The following DISC1 variants were observed in gnomAD, a reference collection of about 807,000 sequenced individuals.
DISC1 encodes the protein DISC1 scaffold protein.
DISC1 carries 57 observed loss-of-function variants against 84.5 expected under a neutral mutation model. That is an observed-to-expected ratio of 0.67 (90% confidence interval 0.55 to 0.84). The LOEUF (loss-of-function observed/expected upper bound fraction) is 0.84. Ranked by LOEUF, DISC1 falls within the 40% of genes least tolerant of loss-of-function variation. DISC1 has a pLI of 0.00. For missense variants in DISC1, 1,000 were observed against 1,057.8 expected, an observed-to-expected ratio of 0.95 and a Z score of 0.76; for synonymous variants, 411 against 415.2, an observed-to-expected ratio of 0.99 and a Z score of 0.12.
chr1:231,994,859 T>C (rs1413041305), intron 10 of DISC1, among the ~76,000 whole-genome samples: 1 of 152,184 alleles, frequency 6.6e-6, no homozygotes, highest in African/African-American at 2.4e-5. Context: ...ACCTTCTAAC[T>C]AACAATCCAG....
Position 231,826,647 on chromosome 1 carries a change from A to G in DISC1, c.1981+8130A>G, listed in dbSNP as rs1009271321. Among the ~76,000 whole-genome samples the G allele has an allele frequency of 2.0e-5, 3 of 152,188 alleles. No homozygotes were observed. The highest frequency in any genetic ancestry group is 7.2e-5 in the African/African-American group (3 of 41,450). On this transcript the variant is annotated intron_variant, in intron 9 of 12. Transcript: ENST00000439617. This position sits in a 1 kb window ranked among gnomAD's most constrained non-coding sequence, Gnocchi z 4.2. ...GTGACTAGGAGAAACTTGGCATACT[A>G]CCATAAATCAGAGAGAAGTTGAACT...
At position 231,800,272 on chromosome 1, in the gene DISC1, A is replaced by G. The variant is rs954115733; in HGVS notation, c.1792+62A>G. On this transcript the variant is annotated intron_variant, in intron 8 of 12. Coordinates refer to ENST00000439617, the MANE Select transcript of DISC1 (RefSeq NM_018662.3). ...CTAAAATAATGACAGCTACCAGCAC[A>G]TCGTGTTTTGTCCTCGATGAACATT... is the stretch of plus-strand genomic sequence containing the variant. The G allele has an allele frequency of 1.4e-5, 17 of 1,252,034 alleles. No individual in the cohort carries two copies. The African/African-American group carries it at 2.2e-4, about 16-fold the overall frequency. 77.6% of individuals were successfully genotyped at this position (1,252,034 alleles called of 1,614,324 possible). A position where few individuals can be genotyped will look rare whatever the true frequency, so the allele number is the denominator to read the frequency against.
chr1:231,818,869 T>G, intron 9 of DISC1: 1 of 1,092,088 alleles, frequency 9.2e-7, no homozygotes, highest in Non-Finnish European at 1.1e-6. Context: ...CTCCGTCTCC[T>G]TGTCTGCACA....
At chr1:231,735,264 C>G (rs1344252909) in intron 3 of DISC1, among the ~76,000 whole-genome samples, 1 of 152,030 alleles carries the variant, frequency 6.6e-6, no homozygotes, top group Non-Finnish European at 1.5e-5. Flanking sequence ...TTCCTGTTTT[C>G]CTAATTGTTC....
chr1:232,006,264 T>A (rs1168810942), intron 10 of DISC1, among the ~76,000 whole-genome samples: 1 of 152,042 alleles, frequency 6.6e-6, no homozygotes. Context: ...GTTGGAACTG[T>A]TTGGAGGGCT....
chr1:231,769,336 G>A (rs1477079540), intron 5 of DISC1, among the ~76,000 whole-genome samples: 11 of 152,088 alleles, frequency 7.2e-5, no homozygotes, highest in East Asian at 5.8e-4. Flanking sequence ...TCATAGCAGC[G>A]TTATACACAA....
intron 11 of DISC1, among the ~76,000 whole-genome samples, chr1:232,020,679 G>A (rs953223452): frequency 6.6e-6 from 1 of 152,136 alleles, no homozygotes; most frequent in African/African-American, 2.4e-5. Context: ...AAATGTCAGT[G>A]CTTCCAAAGC....
chr1:231,761,139 G>A (rs112988751), intron 4 of DISC1, among the ~76,000 whole-genome samples: 198 of 152,192 alleles, frequency 1.3e-3, no homozygotes, highest in African/African-American at 4.5e-3. Context: ...GGGTGGTGCC[G>A]ATGGAGACCT....
chr1:231,844,187 C>A (rs868218843), intron 9 of DISC1, among the ~76,000 whole-genome samples: 1 of 152,150 alleles, frequency 6.6e-6, no homozygotes, highest in African/African-American at 2.4e-5. Context: ...CTGGTTGTCC[C>A]GGAATTCCAT....
intron 9 of DISC1, among the ~76,000 whole-genome samples, chr1:231,932,976 T>C (rs1419839188): frequency 6.6e-6 from 1 of 152,146 alleles, no homozygotes; most frequent in African/African-American, 2.4e-5. Context: ...AAACATCCAA[T>C]GTAATCATAT....
chr1:231,829,397 CTCTG>C (rs2082066541), intron 9 of DISC1, among the ~76,000 whole-genome samples: 1 of 152,126 alleles, frequency 6.6e-6, no homozygotes, highest in Admixed American at 6.5e-5. Flanking sequence ...CAGGGTCTCA[CTCTG>C]TCACCTAGGC....
chr1:231,661,962 C>T (rs1448801139), intron 1 of DISC1, among the ~76,000 whole-genome samples: 2 of 152,006 alleles, frequency 1.3e-5, no homozygotes, highest in Non-Finnish European at 1.5e-5. Flanking sequence ...TTGTTGTTTT[C>T]TGTTTGTTTT....
chr1:231,735,610 A>G (rs1473792290), intron 3 of DISC1, among the ~76,000 whole-genome samples: 2 of 152,234 alleles, frequency 1.3e-5, no homozygotes, highest in African/African-American at 2.4e-5. Context: ...CTGTGTGACT[A>G]ATTTTGAAAA....
chr1:231,965,362 CCTT>C (rs1268057785), intron 10 of DISC1, among the ~76,000 whole-genome samples: 1 of 152,284 alleles, frequency 6.6e-6, no homozygotes, highest in Non-Finnish European at 1.5e-5. Context: ...GAATATCCCT[CCTT>C]CTCCTTATCC....
At chr1:232,033,469 G>T (rs1007534584) in intron 12 of DISC1, among the ~76,000 whole-genome samples, 1 of 152,124 alleles carries the variant, frequency 6.6e-6, no homozygotes, top group African/African-American at 2.4e-5. Flanking sequence ...CCAAACTGAC[G>T]ATGTCACCCC....
At chr1:231,662,582 T>C (rs2061650507) in intron 1 of DISC1, among the ~76,000 whole-genome samples, 2 of 152,228 alleles carry the variant, frequency 1.3e-5, no homozygotes, top group South Asian at 4.1e-4. Context: ...ATCTGGACCA[T>C]TTGTATTCTC....
chr1:231,691,257 C>T (rs978031879), intron 1 of DISC1, among the ~76,000 whole-genome samples: 5 of 152,102 alleles, frequency 3.3e-5, no homozygotes, highest in East Asian at 1.9e-4. Flanking sequence ...ATGGTGAAAC[C>T]CCCTCTCTAC....
rs757293967 is a variant in DISC1 at position 232,026,423 on chromosome 1, C to T, written c.2308-12C>T. On this transcript the variant is annotated splice_polypyrimidine_tract_variant and intron_variant, in intron 11 of 12. Transcript: ENST00000439617. ...GCACTAACAAGTGATCTTGTTTTCC[C>T]CCTCTCGCCAGGAATCTTACATCCT... 3.8e-6 allele frequency: 6 copies of T among 1,566,642 alleles called. No homozygotes were observed. In the East Asian group the frequency reaches 6.8e-5, roughly 18 times the overall value.
intron 3 of DISC1, among the ~76,000 whole-genome samples, chr1:231,730,611 C>A (rs1359348787): frequency 6.6e-6 from 1 of 152,114 alleles, no homozygotes; most frequent in Non-Finnish European, 1.5e-5. Context: ...ATGGAATTGG[C>A]CCAATAACAA....
Sources: allele counts gnomAD v4.1 joint callset (sites outside exome capture counted in the v4.1 genomes callset), GRCh38; gene constraint gnomAD v4.1.1; non-coding constraint Gnocchi (gnomAD v3.1); transcripts MANE v1.5; gene names NCBI Gene and HGNC (gene_info 2026-07-23, HGNC 2026-07-21).